LRMDA: variants seen among roughly 807,000 people sequenced by gnomAD.
LRMDA encodes leucine rich melanocyte differentiation associated.
LRMDA carries 18 observed loss-of-function variants against 29.8 expected under a neutral mutation model. The observed-to-expected ratio is 0.60, with a 90% CI of 0.42 to 0.90. The LOEUF (loss-of-function observed/expected upper bound fraction) is 0.90. Among genes scored for constraint, LRMDA ranks in the 40% least tolerant of loss-of-function variants. The pLI is 0.00. For missense variants in LRMDA, 273 were observed against 273.9 expected (o/e 1.00, Z 0.02); for synonymous variants, 125 against 109.4 (o/e 1.14, Z -0.89).
intron 2 of LRMDA, among the ~76,000 whole-genome samples, chr10:75,915,546 C>A (rs372761292): frequency 2.0e-5 from 3 of 152,302 alleles, no homozygotes; most frequent in East Asian, 3.9e-4. Flanking sequence ...GGCCTCGTGT[C>A]TAACCTTTTT....
At chr10:75,780,104 G>A (rs963852327) in intron 2 of LRMDA, among the ~76,000 whole-genome samples, 16 of 152,162 alleles carry the variant, frequency 1.1e-4, no homozygotes, top group Admixed American at 6.5e-4. Context: ...GGAAGAGCCA[G>A]GGAGAGATTC....
chr10:75,660,427 C>G (rs995632679), intron 2 of LRMDA, among the ~76,000 whole-genome samples: 1 of 152,196 alleles, frequency 6.6e-6, no homozygotes, highest in Non-Finnish European at 1.5e-5. Context: ...GGCTCTGACA[C>G]CTGCCTGCCA....
chr10:76,394,325 G>C (rs553390475), intron 6 of LRMDA, among the ~76,000 whole-genome samples: 1 of 152,228 alleles, frequency 6.6e-6, no homozygotes, highest in East Asian at 1.9e-4. Context: ...GTACGTGGGA[G>C]GTAAGAGTCC....
At chr10:76,010,405 C>T (rs764742158) in intron 2 of LRMDA, among the ~76,000 whole-genome samples, 3 of 151,868 alleles carry the variant, frequency 2.0e-5, no homozygotes, top group African/African-American at 4.8e-5. Flanking sequence ...CTCCGCCTCC[C>T]GAGTTCAAGC....
intron 6 of LRMDA, among the ~76,000 whole-genome samples, chr10:76,541,069 G>A (rs552073667): frequency 6.6e-6 from 1 of 152,186 alleles, no homozygotes; most frequent in East Asian, 1.9e-4. Flanking sequence ...TTGGATAACT[G>A]TCCGTGGCCC....
intron 2 of LRMDA, among the ~76,000 whole-genome samples, chr10:75,509,832 G>A (rs950205054): frequency 1.3e-5 from 2 of 152,140 alleles, no homozygotes; most frequent in Admixed American, 6.5e-5. Context: ...CTTATCTCCC[G>A]GTGTGTGGAT....
At chr10:75,817,289 T>C (rs144148260) in intron 2 of LRMDA, among the ~76,000 whole-genome samples, 12 of 152,318 alleles carry the variant, frequency 7.9e-5, no homozygotes, top group Non-Finnish European at 1.3e-4. Context: ...TTTGTTTTAA[T>C]ATAAGGAGGT....
At chr10:76,335,852 T>C (rs929805186) in intron 6 of LRMDA, among the ~76,000 whole-genome samples, 5 of 152,130 alleles carry the variant, frequency 3.3e-5, no homozygotes, top group Admixed American at 2.6e-4. Flanking sequence ...CTTATCAGAC[T>C]TAAGGTCTAT....
intron 2 of LRMDA, among the ~76,000 whole-genome samples, chr10:75,972,888 G>A (rs1847001629): frequency 2.6e-5 from 4 of 152,222 alleles, no homozygotes; most frequent in South Asian, 4.1e-4. Context: ...GGCTGGGGCT[G>A]GGGCTTCCTG....
At chr10:76,062,101 G>A (rs1318129028) in intron 5 of LRMDA, among the ~76,000 whole-genome samples, 1 of 152,160 alleles carries the variant, frequency 6.6e-6, no homozygotes, top group Non-Finnish European at 1.5e-5. Flanking sequence ...TAAGTGGCAA[G>A]CAATTTCCTT....
chr10:75,558,180 T>C (rs1038463330), intron 2 of LRMDA, among the ~76,000 whole-genome samples: 2 of 150,810 alleles, frequency 1.3e-5, no homozygotes, highest in Non-Finnish European at 3.0e-5. Flanking sequence ...TTTTTGGTCC[T>C]TGTCTTCCTT....
At chr10:75,760,994 A>G (rs991031368) in intron 2 of LRMDA, among the ~76,000 whole-genome samples, 6 of 152,218 alleles carry the variant, frequency 3.9e-5, no homozygotes, top group African/African-American at 1.4e-4. Flanking sequence ...AAAAATATTC[A>G]ATGAGAATTC....
chr10:76,121,496 A>G (rs990986882), intron 5 of LRMDA, among the ~76,000 whole-genome samples: 2 of 152,202 alleles, frequency 1.3e-5, no homozygotes, highest in Non-Finnish European at 2.9e-5. Context: ...AGATGGGGAC[A>G]TGGCCCTGCC....
At chr10:76,114,949 T>C (rs1849644295) in intron 5 of LRMDA, among the ~76,000 whole-genome samples, 1 of 152,210 alleles carries the variant, frequency 6.6e-6, no homozygotes, top group Non-Finnish European at 1.5e-5. Flanking sequence ...GTGTTCTGAC[T>C]CTCACATCCT....
At chr10:75,885,803 T>G (rs1426159139) in intron 2 of LRMDA, among the ~76,000 whole-genome samples, 2 of 152,260 alleles carry the variant, frequency 1.3e-5, no homozygotes, top group Non-Finnish European at 2.9e-5. Context: ...GCATAACACA[T>G]GTGCCTAGGA....
In LRMDA at chr10:76,383,634, G is replaced by T. The variant is rs374145662; in HGVS notation, c.601+59149G>T. On this transcript the variant is annotated intron_variant, in intron 6 of 6. Coordinates refer to ENST00000611255, the MANE Select transcript of LRMDA (RefSeq NM_001305581.2). ...TTTAGTAGAGACGGGGTTTCACCTTGTTAGCCAGGATGGTCTCGATCTCCT... is the reference window on the plus strand; with the variant it reads ...TTTAGTAGAGACGGGGTTTCACCTTTTTAGCCAGGATGGTCTCGATCTCCT... Among the ~76,000 whole-genome samples the T allele has an allele frequency of 4.7e-5, 7 of 150,062 alleles. No homozygotes were observed. The South Asian group carries it at 8.5e-4, about 18-fold the overall frequency.
chr10:76,456,610 T>A (rs1406977995), intron 6 of LRMDA, among the ~76,000 whole-genome samples: 1 of 151,342 alleles, frequency 6.6e-6, no homozygotes, highest in Non-Finnish European at 1.5e-5. Context: ...ATTTTCTTTG[T>A]GCAGACCAAG....
At chr10:76,446,475 G>A (rs1370757607) in intron 6 of LRMDA, among the ~76,000 whole-genome samples, 1 of 152,110 alleles carries the variant, frequency 6.6e-6, no homozygotes, top group African/African-American at 2.4e-5. Context: ...CTAATAATGA[G>A]TTCTACAGAT....
intron 2 of LRMDA, among the ~76,000 whole-genome samples, chr10:75,715,149 G>T (rs764150647): frequency 3.9e-5 from 6 of 152,162 alleles, no homozygotes; most frequent in Non-Finnish European, 7.3e-5. Flanking sequence ...GCTGCGGTAC[G>T]TGCGGGCAGC....
Sources: allele counts gnomAD v4.1 joint callset (sites outside exome capture counted in the v4.1 genomes callset), GRCh38; gene constraint gnomAD v4.1.1; transcripts MANE v1.5; gene names NCBI Gene and HGNC (gene_info 2026-07-23, HGNC 2026-07-21).